The following RYR2 variants were observed in gnomAD, a reference collection of about 807,000 sequenced individuals.
RYR2 encodes the protein cardiac muscle ryanodine receptor-calcium release channel.
A neutral mutation model predicts 601.1 loss-of-function variants in RYR2; 227 were observed. The observed-to-expected ratio is 0.38, with a 90% confidence interval of 0.34 to 0.42. RYR2 has a LOEUF of 0.42. Ranked by LOEUF, RYR2 falls within the 10% of genes least tolerant of loss-of-function variation. RYR2 has a pLI of 1.00. For synonymous variants in RYR2, 2,223 were observed against 2,175.1 expected (o/e 1.02, Z -0.61); for missense variants, 4,646 against 6,156.5 (o/e 0.75, Z 8.21).
chr1:237,789,511 C>A (rs1658092626), intron 92 of RYR2, among the ~76,000 whole-genome samples: 1 of 123,138 alleles, frequency 8.1e-6, no homozygotes. Context: ...GCTTCCATGG[C>A]TGCAGGTATA....
At chr1:237,654,150 G>T in intron 51 of RYR2, 124 bp from the exon 52 acceptor site, 1 of 1,131,542 alleles carries the variant, frequency 8.8e-7, no homozygotes, top group South Asian at 1.6e-5. Flanking sequence ...ATTTATATGG[G>T]ATTGGGCAAT....
At chr1:237,112,473 A>G (rs1180928666) in intron 1 of RYR2, among the ~76,000 whole-genome samples, 1 of 147,254 alleles carries the variant, frequency 6.8e-6, no homozygotes, top group Non-Finnish European at 1.5e-5. Flanking sequence ...TCCCATTTTT[A>G]TTTTGTTTAC....
intron 25 of RYR2, among the ~76,000 whole-genome samples, chr1:237,535,940 A>G (rs372234889): frequency 7.9e-5 from 12 of 152,324 alleles, no homozygotes; most frequent in African/African-American, 2.9e-4. Flanking sequence ...CTTTAACCTA[A>G]CAAGGGGCAA....
intron 23 of RYR2, among the ~76,000 whole-genome samples, chr1:237,509,290 C>T (rs1665639924): frequency 1.3e-5 from 2 of 152,174 alleles, no homozygotes; most frequent in South Asian, 4.1e-4. Flanking sequence ...TTCCCTGAAA[C>T]TCCTTTTTGT....
intron 92 of RYR2, among the ~76,000 whole-genome samples, chr1:237,790,768 A>G (rs1658288477): frequency 6.6e-6 from 1 of 152,154 alleles, no homozygotes. Context: ...ACACTAGGAA[A>G]TGGAGGGAGG....
At chr1:237,681,552 T>C (rs1394288133) in intron 62 of RYR2, among the ~76,000 whole-genome samples, 1 of 152,202 alleles carries the variant, frequency 6.6e-6, no homozygotes, top group Non-Finnish European at 1.5e-5. Flanking sequence ...GTATAAAACA[T>C]GTCCTCAAAC....
At chr1:237,142,349 C>T (rs1452471148) in intron 1 of RYR2, among the ~76,000 whole-genome samples, 1 of 152,182 alleles carries the variant, frequency 6.6e-6, no homozygotes, top group African/African-American at 2.4e-5. Flanking sequence ...TGGTAATATC[C>T]CAATGCCCTA....
At chr1:237,590,538 C>CTG in intron 30 of RYR2, 102 bp from the exon 31 acceptor site, 1 of 854,144 alleles carries the variant, frequency 1.2e-6, no homozygotes, top group African/African-American at 1.7e-5. Flanking sequence ...ATGTGTGGAC[C>CTG]GCATTTGGGA....
chr1:237,814,091 T>C (rs77579370), intron 100 of RYR2, among the ~76,000 whole-genome samples: 2,614 of 152,296 alleles, frequency 0.017, 80 homozygotes, highest in African/African-American at 0.059. Flanking sequence ...GACATTCCAA[T>C]TGTAGCGTCC....
At chr1:237,580,762 A>C (rs988976380) in intron 29 of RYR2, among the ~76,000 whole-genome samples, 1 of 152,194 alleles carries the variant, frequency 6.6e-6, no homozygotes, top group Non-Finnish European at 1.5e-5. Flanking sequence ...GTGGGGCCTT[A>C]ATCCAGTATG....
chr1:237,270,611 T>G lies in RYR2; in HGVS notation c.163T>G (p.Ser55Ala). The change falls in exon 2 of 105, where the codon TCC becomes GCC. Residue 55 changes from serine (S) to alanine (A), a missense_variant. By Grantham distance (99) the Ser-to-Ala change is moderately conservative. This residue lies in a region of RYR2 where 153 missense variants were observed against 203.6 expected (regional missense o/e 0.75). Coordinates refer to ENST00000366574, the MANE Select transcript of RYR2 (RefSeq NM_001035.3). ...TTGTTTCTTGGAGTCCACTTCCAAT[T>G]CCAAGGTGGGATGAAGTCTTTCAAG... The part of the protein sequence containing the change: ...RLCFLESTSN[S>A]KNVPPDLSIC... 6.3e-7 allele frequency: 1 copy of G among 1,580,450 alleles called. No homozygotes were observed. Among genetic ancestry groups the G allele is most frequent in the Non-Finnish European group, 8.6e-7 (1 of 1,162,162 alleles).
At chr1:237,249,433 ATATTAG>A (rs60609263) in intron 1 of RYR2, among the ~76,000 whole-genome samples, 55,639 of 151,460 alleles carry the variant, frequency 0.37, 10,595 homozygotes, top group East Asian at 0.47. Context: ...TTGGATATGG[ATATTAG>A]TATTAGTAAC....
chr1:237,206,414 A>T (rs944547124), intron 1 of RYR2, among the ~76,000 whole-genome samples: 1 of 152,210 alleles, frequency 6.6e-6, no homozygotes, highest in Non-Finnish European at 1.5e-5. Context: ...GTGAAGTTGG[A>T]TAGATAGCGT....
rs77043141 is a variant in RYR2, at chr1:237,668,797, G to T, written c.8590+839G>T. ...GCTGTGATATGGAAGGATGGTACCTGGCACCAAGCACTAGGAAACAGAGTA... is the reference window on the plus strand; with the variant it reads ...GCTGTGATATGGAAGGATGGTACCTTGCACCAAGCACTAGGAAACAGAGTA... On this transcript the variant is annotated intron_variant, in intron 58 of 104. Coordinates refer to ENST00000366574, the MANE Select transcript of RYR2 (RefSeq NM_001035.3). Among the ~76,000 whole-genome samples the T allele has an allele frequency of 4.0e-3, 609 of 152,316 alleles. 5 individuals are homozygous for T. Among genetic ancestry groups the T allele is most frequent in the African/African-American group, 0.014 (584 of 41,564 alleles).
chr1:237,547,347 ATAAT>A (rs1259290249), intron 25 of RYR2, among the ~76,000 whole-genome samples: 2 of 152,176 alleles, frequency 1.3e-5, no homozygotes, highest in African/African-American at 4.8e-5. Flanking sequence ...TCATGTTTTA[ATAAT>A]TAATTTTGTA....
At chr1:237,436,435 G>A (rs1490434062) in intron 12 of RYR2, among the ~76,000 whole-genome samples, 1 of 88,316 alleles carries the variant, frequency 1.1e-5, no homozygotes, top group African/African-American at 4.8e-5. Flanking sequence ...GAGAAGCCGA[G>A]GGATAATGTG....
rs548050832 is a variant in RYR2 at position 237,536,346 on chromosome 1, C to A, written c.2906+5836C>A. On this transcript the variant is annotated intron_variant, in intron 25 of 104. Transcript: ENST00000366574. ...CAGCACTTTGGGAGGCCGAGGCAGG[C>A]GGATCACAAGGTCAGGAGATTGAGA... 6.6e-5 allele frequency among the ~76,000 whole-genome samples: 10 copies of A among 152,216 alleles called. No individual in the cohort carries two copies. In the South Asian group the frequency reaches 1.0e-3, roughly 16 times the overall value.
chr1:237,327,811 G>A (rs1437074834), intron 2 of RYR2, among the ~76,000 whole-genome samples: 2 of 152,248 alleles, frequency 1.3e-5, no homozygotes, highest in East Asian at 3.9e-4. Context: ...ACAACCCTAT[G>A]AGAAGGGTAT....
Position 237,792,004 on chromosome 1 carries a change from C to T in RYR2, c.13564-101C>T, listed in dbSNP as rs533901861. On this transcript the variant is annotated intron_variant, in intron 93 of 104. Transcript: ENST00000366574. ...GTCCTTTCATTATGCAGTGACTTCA[C>T]ATCCAACTATTTGCTGAAAAGGCTG... is the stretch of plus-strand genomic sequence containing the variant. The T allele has an allele frequency of 8.1e-5, 67 of 831,796 alleles. 1 individual carries two copies. In the South Asian group the frequency reaches 9.9e-4, roughly 12 times the overall value. The allele number at this position is 831,796 out of a possible 1,614,324, so 51.5% of individuals were successfully genotyped here.
Sources: gnomAD v4.1 joint callset for allele counts (sites outside exome capture counted in the v4.1 genomes callset) on GRCh38, gnomAD v4.1.1 for gene constraint, gnomAD v4.1.1 regional missense constraint, MANE v1.5 for transcripts, NCBI Gene and HGNC (gene_info 2026-07-23, HGNC 2026-07-21) for gene names.